Variants in WWOX observed in about 807,000 individuals in gnomAD.
WWOX encodes the protein WW domain containing oxidoreductase, also known as WW domain-containing oxidoreductase.
WWOX carries 69 observed loss-of-function variants against 46.2 expected under a neutral mutation model. That is an observed-to-expected ratio of 1.49 (90% CI 1.23 to 1.82). The LOEUF is 1.82. Ranked by LOEUF, WWOX falls within the 40% of genes most tolerant of loss-of-function variation. The probability of loss-of-function intolerance (pLI) is 0.00; values close to 1 mark genes in which losing one functional copy is unlikely to be tolerated. For synonymous variants in WWOX, 359 were observed against 202.6 expected (o/e 1.77, Z -6.56); for missense variants, 919 against 542.6 (o/e 1.69, Z -6.89).
intron 8 of WWOX, among the ~76,000 whole-genome samples, chr16:78,520,315 A>G (rs921753370): frequency 5.3e-5 from 8 of 152,186 alleles, no homozygotes; most frequent in African/African-American, 1.7e-4. Flanking sequence ...GTAAAAGTGG[A>G]TGGTACTTAA....
chr16:78,177,033 G>C (rs1056607603), intron 5 of WWOX, among the ~76,000 whole-genome samples: 8 of 152,178 alleles, frequency 5.3e-5, no homozygotes, highest in Non-Finnish European at 8.8e-5. Flanking sequence ...AGACCTACTA[G>C]GTAAGAATCT....
chr16:79,121,250 C>A (rs1030722038), intron 8 of WWOX, among the ~76,000 whole-genome samples: 1 of 152,164 alleles, frequency 6.6e-6, no homozygotes, highest in Non-Finnish European at 1.5e-5. Context: ...CACTTTTCTG[C>A]CTACCACAGA....
At chr16:78,575,933 G>C (rs904176952) in intron 8 of WWOX, among the ~76,000 whole-genome samples, 2 of 152,074 alleles carry the variant, frequency 1.3e-5, no homozygotes, top group African/African-American at 2.4e-5. Context: ...TATTAAAAGA[G>C]AGATTAAATT....
At chr16:78,785,465 AAAC>A (rs2050433072) in intron 8 of WWOX, among the ~76,000 whole-genome samples, 1 of 152,214 alleles carries the variant, frequency 6.6e-6, no homozygotes, top group African/African-American at 2.4e-5. Flanking sequence ...GCTCTCTGAA[AAAC>A]AAACAAACAC....
At chr16:79,154,260 C>T (rs188996746) in intron 8 of WWOX, among the ~76,000 whole-genome samples, 6 of 152,242 alleles carry the variant, frequency 3.9e-5, no homozygotes, top group South Asian at 2.1e-4. Flanking sequence ...CCCTGGACAC[C>T]GGTGAGGTCA....
intron 8 of WWOX, among the ~76,000 whole-genome samples, chr16:78,955,978 A>G (rs1019682109): frequency 1.1e-4 from 16 of 150,542 alleles, no homozygotes; most frequent in African/African-American, 3.4e-4. Context: ...AGAAAAAAAC[A>G]AAAAACAAAA....
At chr16:78,292,311 C>T (rs1003548275) in intron 5 of WWOX, among the ~76,000 whole-genome samples, 2 of 152,180 alleles carry the variant, frequency 1.3e-5, no homozygotes, top group African/African-American at 2.4e-5. Flanking sequence ...AGATTGAATA[C>T]GTCAAAGTGA....
chr16:79,028,477 C>G (rs1433459073), intron 8 of WWOX, among the ~76,000 whole-genome samples: 1 of 151,774 alleles, frequency 6.6e-6, no homozygotes, highest in Non-Finnish European at 1.5e-5. Context: ...TAAAAAAGCA[C>G]AAATTGTAGG....
intron 8 of WWOX, among the ~76,000 whole-genome samples, chr16:78,920,434 C>A (rs1173270351): frequency 2.0e-5 from 3 of 152,192 alleles, no homozygotes; most frequent in Non-Finnish European, 1.5e-5. Context: ...AGGTCCCAGC[C>A]ACCTATGGTT....
At chr16:78,963,338 G>A (rs1198694766) in intron 8 of WWOX, among the ~76,000 whole-genome samples, 3 of 152,150 alleles carry the variant, frequency 2.0e-5, no homozygotes, top group South Asian at 4.1e-4. Flanking sequence ...CCATGGTGGT[G>A]TATGCCTGTG....
intron 8 of WWOX, among the ~76,000 whole-genome samples, chr16:78,467,526 T>C (rs778617457): frequency 3.9e-5 from 6 of 152,202 alleles, no homozygotes; most frequent in African/African-American, 4.8e-5. Flanking sequence ...AAAAAGACTT[T>C]TTAGTTTAAA....
intron 5 of WWOX, among the ~76,000 whole-genome samples, chr16:78,238,638 A>C (rs1484247468): frequency 6.7e-6 from 1 of 150,064 alleles, no homozygotes; most frequent in African/African-American, 2.5e-5. Context: ...GTTGTTGTTG[A>C]GATGGAGTTT....
At chr16:78,356,524 A>T (rs1170869008) in intron 5 of WWOX, among the ~76,000 whole-genome samples, 1 of 152,104 alleles carries the variant, frequency 6.6e-6, no homozygotes, top group East Asian at 1.9e-4. Context: ...CAGTGCTCTG[A>T]ATGTGGAGAG....
At chr16:78,564,798 T>C (rs988904192) in intron 8 of WWOX, among the ~76,000 whole-genome samples, 1 of 152,240 alleles carries the variant, frequency 6.6e-6, no homozygotes, top group Non-Finnish European at 1.5e-5. Flanking sequence ...CTTAAATTTT[T>C]TCCCCTCAAG....
chr16:78,670,226 G>T (rs966231683), intron 8 of WWOX, among the ~76,000 whole-genome samples: 4 of 152,140 alleles, frequency 2.6e-5, no homozygotes, highest in Admixed American at 6.5e-5. Flanking sequence ...AGGAAGGCCA[G>T]GCAGCGTGTG....
At chr16:78,478,150 T>A (rs960980435) in intron 8 of WWOX, among the ~76,000 whole-genome samples, 6 of 152,130 alleles carry the variant, frequency 3.9e-5, no homozygotes, top group Admixed American at 2.6e-4. Flanking sequence ...GTATGTACGG[T>A]TTAAAGTGTA....
intron 8 of WWOX, chr16:79,016,085 C>G (rs555238475): frequency 5.9e-5 from 9 of 152,158 alleles, no homozygotes; most frequent in Middle Eastern, 3.2e-3. Context: ...CTCTTTGTAT[C>G]TCTATATGTT....
intron 8 of WWOX, among the ~76,000 whole-genome samples, chr16:79,092,860 C>G (rs897699214): frequency 6.6e-6 from 1 of 152,176 alleles, no homozygotes; most frequent in Non-Finnish European, 1.5e-5. Context: ...CTCATAACCC[C>G]CCAGCTCCAT....
chr16:78,787,549 T>C (rs1567559590), intron 8 of WWOX, among the ~76,000 whole-genome samples: 1 of 152,244 alleles, frequency 6.6e-6, no homozygotes, highest in Non-Finnish European at 1.5e-5. Context: ...TACCACTTTT[T>C]GTTTATCCAT....
Sources: gnomAD v4.1 joint callset for allele counts (sites outside exome capture counted in the v4.1 genomes callset) on GRCh38, gnomAD v4.1.1 for gene constraint, MANE v1.5 for transcripts, NCBI Gene and HGNC (gene_info 2026-07-23, HGNC 2026-07-21) for gene names.